Variants in KIAA1328 observed in about 807,000 individuals in gnomAD.
KIAA1328 encodes the protein KIAA1328, also known as protein hinderin.
KIAA1328 carries 52 observed loss-of-function variants against 68.1 expected under a neutral mutation model. The ratio of observed to expected loss-of-function variants is 0.76; its 90% CI spans 0.61 to 0.96. The LOEUF is 0.96. Among genes scored for constraint, KIAA1328 ranks in the 40% least tolerant of loss-of-function variants. KIAA1328 has a pLI of 0.00. For missense variants in KIAA1328, 641 were observed against 677.6 expected (o/e 0.95, Z 0.60); for synonymous variants, 232 against 239.4 (o/e 0.97, Z 0.28).
chr18:37,061,584 G>C (rs761802651), intron 6 of KIAA1328, among the ~76,000 whole-genome samples: 46 of 152,144 alleles, frequency 3.0e-4, no homozygotes, highest in Admixed American at 5.9e-4. Flanking sequence ...TTGGGAGTTC[G>C]TGTTGGTTTA....
At chr18:36,853,090 C>A (rs575226750) in intron 4 of KIAA1328, among the ~76,000 whole-genome samples, 150 of 152,256 alleles carry the variant, frequency 9.9e-4, no homozygotes, top group Non-Finnish European at 1.9e-3. Context: ...ATTAATATAG[C>A]AAACTAAACT....
intron 4 of KIAA1328, among the ~76,000 whole-genome samples, chr18:36,878,246 T>G (rs2048206739): frequency 6.6e-6 from 1 of 152,170 alleles, no homozygotes; most frequent in Admixed American, 6.5e-5. Context: ...CAGGGTTTGC[T>G]TGTCTGTAAA....
intron 7 of KIAA1328, among the ~76,000 whole-genome samples, chr18:37,151,981 G>A (rs2059041268): frequency 6.6e-6 from 1 of 151,834 alleles, no homozygotes; most frequent in Admixed American, 6.6e-5. Flanking sequence ...TTACCCAGAG[G>A]GATGAAGAGA....
intron 6 of KIAA1328, among the ~76,000 whole-genome samples, chr18:36,984,408 A>G (rs747520539): frequency 6.6e-6 from 1 of 152,358 alleles, no homozygotes; most frequent in East Asian, 1.9e-4. Flanking sequence ...GAATTTCACA[A>G]AGTTATAGGA....
chr18:37,017,161 C>T (rs2054181911), intron 6 of KIAA1328, among the ~76,000 whole-genome samples: 1 of 151,760 alleles, frequency 6.6e-6, no homozygotes, highest in African/African-American at 2.4e-5. Flanking sequence ...TGGTATGTCT[C>T]CTTTTTCATT....
At chr18:37,028,491 C>T (rs1156442748) in intron 6 of KIAA1328, among the ~76,000 whole-genome samples, 1 of 151,284 alleles carries the variant, frequency 6.6e-6, no homozygotes, top group Non-Finnish European at 1.5e-5. Context: ...AGTTTGACTT[C>T]CTCTCTTCCT....
rs2053248429 is a variant in KIAA1328, at chr18:36,992,964, G to A, written c.576+33529G>A. ...ACAAAAAATACCAAAAAAATCAGTT[G>A]GGTGGAGTGGTGTGCACCTGTAGTC... On this transcript the variant is annotated intron_variant, in intron 6 of 9. Transcript: ENST00000280020. Among the ~76,000 whole-genome samples the A allele has an allele frequency of 2.0e-5, 3 of 152,066 alleles. No homozygotes were observed. The South Asian group carries it at 6.2e-4, about 32-fold the overall frequency.
intron 1 of KIAA1328, 58 bp downstream of exon 1, chr18:36,829,254 G>A (rs1336970543): frequency 6.8e-7 from 1 of 1,461,606 alleles, no homozygotes; most frequent in Admixed American, 2.7e-5. Flanking sequence ...GGCGAGGGGC[G>A]AGCCGTCGCG....
chr18:37,104,731 T>C (rs2057720942), intron 7 of KIAA1328, among the ~76,000 whole-genome samples: 1 of 117,986 alleles, frequency 8.5e-6, no homozygotes, highest in South Asian at 2.2e-4. Flanking sequence ...ATTGTATGCG[T>C]GCATCAAAAT....
chr18:37,045,522 G>A (rs2055432841), intron 6 of KIAA1328, among the ~76,000 whole-genome samples: 1 of 150,316 alleles, frequency 6.7e-6, no homozygotes, highest in Non-Finnish European at 1.5e-5. Flanking sequence ...TGTTCTGCAA[G>A]TTTCCGTCAT....
intron 6 of KIAA1328, among the ~76,000 whole-genome samples, chr18:36,980,535 A>G (rs1179105142): frequency 6.6e-6 from 1 of 152,194 alleles, no homozygotes; most frequent in African/African-American, 2.4e-5. Flanking sequence ...AATTGGGCAT[A>G]TGCTAGAAGA....
chr18:37,020,165 C>T (rs2054292914), intron 6 of KIAA1328, among the ~76,000 whole-genome samples: 1 of 152,112 alleles, frequency 6.6e-6, no homozygotes, highest in Non-Finnish European at 1.5e-5. Context: ...ACCCTGTTGC[C>T]CAGGCTGGAG....
intron 7 of KIAA1328, among the ~76,000 whole-genome samples, chr18:37,151,113 G>A (rs779826028): frequency 6.6e-6 from 1 of 152,042 alleles, no homozygotes; most frequent in African/African-American, 2.4e-5. Context: ...CAAATTCAAT[G>A]TATAAAAATA....
chr18:37,192,951 TTAAA>T (rs915190800), intron 9 of KIAA1328, among the ~76,000 whole-genome samples: 2 of 152,214 alleles, frequency 1.3e-5, no homozygotes, highest in African/African-American at 4.8e-5. Context: ...GAAATTCTTC[TTAAA>T]TAATTTTATT....
chr18:37,176,331 C>T (rs2059596676), intron 9 of KIAA1328, among the ~76,000 whole-genome samples: 1 of 152,216 alleles, frequency 6.6e-6, no homozygotes, highest in Non-Finnish European at 1.5e-5. Context: ...CATAAGACAT[C>T]AATATCACTT....
intron 7 of KIAA1328, among the ~76,000 whole-genome samples, chr18:37,114,249 A>G (rs958099507): frequency 6.6e-6 from 1 of 152,234 alleles, no homozygotes; most frequent in Admixed American, 6.5e-5. Context: ...AATTGACCAC[A>G]TAGTTGGAAG....
downstream of KIAA1328, among the ~76,000 whole-genome samples, chr18:37,229,171 G>A (rs570532769): frequency 4.6e-4 from 70 of 152,294 alleles, no homozygotes; most frequent in African/African-American, 1.7e-3. Flanking sequence ...TGTGGGAGGA[G>A]GAGAGGAATC....
intron 7 of KIAA1328, among the ~76,000 whole-genome samples, chr18:37,138,945 G>GTTTT (rs1373330541): frequency 6.1e-5 from 5 of 81,638 alleles, no homozygotes; most frequent in Admixed American, 2.6e-4. Flanking sequence ...ATGAAATTTT[G>GTTTT]TTCTTTTTTT....
intron 6 of KIAA1328, among the ~76,000 whole-genome samples, chr18:37,023,379 T>C (rs2054424587): frequency 6.6e-6 from 1 of 152,050 alleles, no homozygotes; most frequent in Admixed American, 6.5e-5. Flanking sequence ...TAAGCCAGAC[T>C]AATTTTTTTT....
Sources: gnomAD v4.1 joint callset for allele counts (sites outside exome capture counted in the v4.1 genomes callset) on GRCh38, gnomAD v4.1.1 for gene constraint, MANE v1.5 for transcripts, NCBI Gene and HGNC (gene_info 2026-07-23, HGNC 2026-07-21) for gene names.